Variants in PRKAR1B observed in about 807,000 individuals in gnomAD.
PRKAR1B encodes the protein cAMP-dependent protein kinase type I-beta regulatory subunit.
Under a neutral mutation model 46.5 loss-of-function variants are expected in PRKAR1B, and 22 were observed. The observed-to-expected ratio is 0.47, with a 90% confidence interval of 0.34 to 0.68. The LOEUF (loss-of-function observed/expected upper bound fraction) is 0.68, where lower values mean the gene tolerates loss of function less well. Among genes scored for constraint, PRKAR1B ranks in the 30% least tolerant of loss-of-function variants. The probability of loss-of-function intolerance (pLI) is 0.01; values close to 1 mark genes in which losing one functional copy is unlikely to be tolerated. For synonymous variants in PRKAR1B, 259 were observed against 217.7 expected, an observed-to-expected ratio of 1.19 and a Z score of -1.67; for missense variants, 445 against 535.6, an observed-to-expected ratio of 0.83 and a Z score of 1.67.
At chr7:558,460 C>G (rs1175714195) in intron 9 of PRKAR1B, among the ~76,000 whole-genome samples, 1 of 151,500 alleles carries the variant, frequency 6.6e-6, no homozygotes, top group African/African-American at 2.4e-5. Flanking sequence ...TGACTTTGAT[C>G]AGAAGGAAAA....
Position 622,555 on chromosome 7 carries a change from A to C in PRKAR1B, c.441-15103T>G, listed in dbSNP as rs139307997. Among the ~76,000 whole-genome samples, 955 of 152,306 alleles carry C rather than the reference A, an allele frequency of 6.3e-3. 11 individuals carry two copies. Among genetic ancestry groups the C allele is most frequent in the African/African-American group, 0.022 (902 of 41,562 alleles). ...ACATGTCTGATCTTTAGTTTTTTTCAACTCTCTATTTTGAAAATCTTTGAA... is the reference window on the plus strand; with the variant it reads ...ACATGTCTGATCTTTAGTTTTTTTCCACTCTCTATTTTGAAAATCTTTGAA... On this transcript the variant is annotated intron_variant, in intron 4 of 10. Transcript: ENST00000537384.
In PRKAR1B at chr7:683,779, C is replaced by A. The variant is rs78947121; in HGVS notation, c.178-3053G>T. ...TGCCAGGCACGGCACCCACTCCCCA[C>A]GGAAGGGCAGCCTGGAGAGCTGCTT... On this transcript the variant is annotated intron_variant, in intron 2 of 10. Coordinates refer to ENST00000537384, the MANE Select transcript of PRKAR1B (RefSeq NM_001164760.2). Among the ~76,000 whole-genome samples the A allele has an allele frequency of 2.0e-3, 308 of 152,344 alleles. 1 individual carries two copies. The highest frequency in any genetic ancestry group is 7.1e-3 in the African/African-American group (297 of 41,588).
intron 2 of PRKAR1B, among the ~76,000 whole-genome samples, chr7:687,846 A>G (rs1182273753): frequency 1.3e-5 from 2 of 152,202 alleles, no homozygotes; most frequent in Non-Finnish European, 2.9e-5. Context: ...CTGTAATCCC[A>G]GGACTTTGGG....
At chr7:610,631 C>T (rs770214643) in intron 4 of PRKAR1B, among the ~76,000 whole-genome samples, 3 of 152,182 alleles carry the variant, frequency 2.0e-5, no homozygotes, top group Non-Finnish European at 4.4e-5. Context: ...GCAACAGCCC[C>T]GAGGTGAGGT....
chr7:570,788 C>T (rs1244135479), intron 9 of PRKAR1B, among the ~76,000 whole-genome samples: 1 of 152,158 alleles, frequency 6.6e-6, no homozygotes, highest in Admixed American at 6.5e-5. Flanking sequence ...CCTGCCCGCT[C>T]TCCCACCTTG....
intron 9 of PRKAR1B, among the ~76,000 whole-genome samples, chr7:556,447 G>A (rs1019593702): frequency 1.3e-5 from 2 of 152,102 alleles, no homozygotes; most frequent in African/African-American, 2.4e-5. Context: ...AGGGCCTCTG[G>A]GGACGTCCAG....
At chr7:626,159 G>T (rs765379239) in intron 4 of PRKAR1B, among the ~76,000 whole-genome samples, 13 of 152,068 alleles carry the variant, frequency 8.5e-5, no homozygotes, top group Non-Finnish European at 1.8e-4. Flanking sequence ...ATCTATTAAA[G>T]AAGTTGAATC....
chr7:663,732 T>C (rs1042571343), intron 4 of PRKAR1B, among the ~76,000 whole-genome samples: 20 of 152,246 alleles, frequency 1.3e-4, no homozygotes, highest in Non-Finnish European at 1.3e-4. Context: ...CACCTGGAAC[T>C]TGGGGACAGT....
chr7:609,803 C>T (rs903280859), intron 4 of PRKAR1B, among the ~76,000 whole-genome samples: 8 of 152,142 alleles, frequency 5.3e-5, no homozygotes, highest in East Asian at 3.9e-4. Context: ...TATAGGGGTG[C>T]GATCACAGCT....
chr7:562,595 C>A (rs1371224230), intron 9 of PRKAR1B, among the ~76,000 whole-genome samples: 1 of 152,122 alleles, frequency 6.6e-6, no homozygotes. Context: ...CAAGCCCCGG[C>A]CTCCAGGGCC....
At chr7:690,710 C>A (rs1220819268) in intron 2 of PRKAR1B, among the ~76,000 whole-genome samples, 2 of 152,236 alleles carry the variant, frequency 1.3e-5, no homozygotes, top group Non-Finnish European at 2.9e-5. Flanking sequence ...CCCCCACCAG[C>A]TGCACACCCA....
chr7:577,208 CG>C (rs1779906859), intron 9 of PRKAR1B, among the ~76,000 whole-genome samples: 1 of 152,190 alleles, frequency 6.6e-6, no homozygotes, highest in South Asian at 2.1e-4. Flanking sequence ...CCGAATTTGC[CG>C]AAGTTGCCAA....
chr7:693,166 C>T (rs1424592399), intron 2 of PRKAR1B, among the ~76,000 whole-genome samples: 1 of 151,550 alleles, frequency 6.6e-6, no homozygotes, highest in Non-Finnish European at 1.5e-5. Context: ...AACTCCTAAC[C>T]TCAAGTGATC....
At chr7:641,346 A>T (rs1332749689) in intron 4 of PRKAR1B, among the ~76,000 whole-genome samples, 1 of 152,232 alleles carries the variant, frequency 6.6e-6, no homozygotes, top group Non-Finnish European at 1.5e-5. Flanking sequence ...TCACACAGAC[A>T]CGCATAAGGC....
At chr7:724,392 T>C (rs1781177665) in intron 1 of PRKAR1B, among the ~76,000 whole-genome samples, 1 of 152,194 alleles carries the variant, frequency 6.6e-6, no homozygotes, top group African/African-American at 2.4e-5. Flanking sequence ...TCTCACGAGA[T>C]CTGACGGTTT....
chr7:599,898 G>A lies in PRKAR1B; in HGVS notation c.550-3594C>T, dbSNP rs190774071. Among the ~76,000 whole-genome samples, 284 of 146,500 alleles carry A rather than the reference G, an allele frequency of 1.9e-3. 6 individuals are homozygous for A. The highest frequency in any genetic ancestry group is 6.6e-3 in the African/African-American group (260 of 39,590). ...GCAGGCCCCCCATTCACCTTCACTC[G>A]CTCACCCTCTGTGTTTAGAAGTCAA... On this transcript the variant is annotated intron_variant, in intron 6 of 10. Coordinates refer to ENST00000537384, the MANE Select transcript of PRKAR1B (RefSeq NM_001164760.2).
chr7:594,858 G>A (rs1304328823), intron 7 of PRKAR1B, among the ~76,000 whole-genome samples: 3 of 152,132 alleles, frequency 2.0e-5, no homozygotes, highest in African/African-American at 7.2e-5. Flanking sequence ...AGATCATGAC[G>A]AGACCACCCA....
In PRKAR1B at chr7:549,941, CTT is replaced by C. The variant is rs1784073313; in HGVS notation, c.*487_*488del. 6.6e-6 allele frequency: 1 copy of C among 151,634 alleles called. No individual in the cohort carries two copies. Among genetic ancestry groups the C allele is most frequent in the African/African-American group, 2.7e-5 (1 of 37,460 alleles). 9.4% of individuals were successfully genotyped at this position (151,634 alleles called of 1,614,324 possible). On this transcript the variant is annotated 3_prime_UTR_variant, in exon 11 of 11. Transcript: ENST00000537384. The stretch of plus-strand genomic sequence containing the variant: ...TACACATTTGCGGGAGGGGCCTTGA[CTT>C]CTTCGGCCTCAACTCCCTGCTCTCA...
intron 4 of PRKAR1B, among the ~76,000 whole-genome samples, chr7:656,235 T>A (rs1008765910): frequency 6.6e-6 from 1 of 151,978 alleles, no homozygotes; most frequent in African/African-American, 2.4e-5. Context: ...ACTGAATGGA[T>A]GGATAAATAG....
Sources: gnomAD v4.1 joint callset for allele counts (sites outside exome capture counted in the v4.1 genomes callset) on GRCh38, gnomAD v4.1.1 for gene constraint, MANE v1.5 for transcripts, NCBI Gene and HGNC (gene_info 2026-07-23, HGNC 2026-07-21) for gene names.